Variants in DRC12 observed in about 807,000 individuals in gnomAD.
DRC12 encodes the protein dynein regulatory complex protein 12.
At chr11:119,193,365 T>C in the DRC12 span, 106 of 898,460 alleles carry the variant, frequency 1.2e-4, no homozygotes, top group Non-Finnish European at 1.7e-4. Context: ...ACAAAGGCCT[T>C]CTTGGTTCTT....
At chr11:119,193,545 A>C in the DRC12 span, 3 of 1,412,494 alleles carry the variant, frequency 2.1e-6, no homozygotes, top group Non-Finnish European at 1.9e-6. Flanking sequence ...CATCAAGCAC[A>C]TGGCACCAGG....
the DRC12 span, chr11:119,193,577 G>C: frequency 7.0e-7 from 1 of 1,433,958 alleles, no homozygotes; most frequent in Middle Eastern, 1.8e-4. Flanking sequence ...GCCCCTGCCT[G>C]GGATCCCAGG....
At chr11:119,193,246 G>C in the DRC12 span, 2 of 1,613,732 alleles carry the variant, frequency 1.2e-6, no homozygotes, top group Non-Finnish European at 1.7e-6. Flanking sequence ...ACTCATCTCT[G>C]GGGTGGGGGC....
the DRC12 span, chr11:119,195,193 T>C: frequency 6.4e-6 from 4 of 628,306 alleles, no homozygotes; most frequent in Non-Finnish European, 1.1e-5. Flanking sequence ...AAAATACACA[T>C]GACAAATATA....
the DRC12 span, among the ~76,000 whole-genome samples, chr11:119,192,010 C>T: frequency 6.9e-6 from 1 of 144,498 alleles, no homozygotes; most frequent in Non-Finnish European, 1.5e-5. Flanking sequence ...GAATCTTACT[C>T]TGTTGCCGAG....
the DRC12 span, among the ~76,000 whole-genome samples, chr11:119,192,915 GGATTACAGGCCT>G: frequency 6.6e-6 from 1 of 152,188 alleles, no homozygotes; most frequent in Non-Finnish European, 1.5e-5. Context: ...CAAAGTGCTG[GGATTACAGGCCT>G]GAGCCACCGC....
the DRC12 span, chr11:119,193,964 C>G: frequency 6.9e-7 from 1 of 1,440,058 alleles, no homozygotes; most frequent in South Asian, 1.3e-5. Context: ...TGGACTTTGC[C>G]CACCTCTAGA....
chr11:119,195,419 C>T, the DRC12 span: 1 of 1,551,134 alleles, frequency 6.4e-7, no homozygotes, highest in East Asian at 2.4e-5. Context: ...CCCACCATGA[C>T]TCACCCCAGT....
At chr11:119,190,667 T>A in the DRC12 span, 1 of 1,596,684 alleles carries the variant, frequency 6.3e-7, no homozygotes, top group East Asian at 2.2e-5. The surrounding 1 kb of genome is among the most constrained non-coding windows in gnomAD (Gnocchi z 4.2). Flanking sequence ...CATGGGGGAG[T>A]CCTGGGTACT....
the DRC12 span, among the ~76,000 whole-genome samples, chr11:119,192,622 G>T: frequency 6.6e-6 from 1 of 152,022 alleles, no homozygotes; most frequent in East Asian, 1.9e-4. Flanking sequence ...AGGAAATGGG[G>T]TGTGAGGCCT....
At chr11:119,195,728 C>A in the DRC12 span, 1 of 500,058 alleles carries the variant, frequency 2.0e-6, no homozygotes, top group Non-Finnish European at 3.5e-6. Context: ...TTGCAACTCT[C>A]TTTTAGAGAA....
chr11:119,190,861 A>G, the DRC12 span: 2 of 1,606,736 alleles, frequency 1.2e-6, no homozygotes, highest in South Asian at 2.2e-5. The surrounding 1 kb of genome is among the most constrained non-coding windows in gnomAD (Gnocchi z 4.2). Context: ...GCAGGATGAA[A>G]GAGAGCAGGA....
the DRC12 span, chr11:119,190,621 G>T: frequency 2.6e-6 from 4 of 1,565,562 alleles, no homozygotes; most frequent in Non-Finnish European, 2.6e-6. This position sits in a 1 kb window ranked among gnomAD's most constrained non-coding sequence, Gnocchi z 4.2. Flanking sequence ...CCTTAACCCT[G>T]GGTTGTCAGT....
At chr11:119,193,475 T>C in the DRC12 span, 3 of 1,133,532 alleles carry the variant, frequency 2.6e-6, no homozygotes, top group Non-Finnish European at 3.6e-6. Flanking sequence ...ATGCTAGCCC[T>C]TCTCCCCGCC....
At chr11:119,193,496 T>C in the DRC12 span, 20 of 1,234,204 alleles carry the variant, frequency 1.6e-5, 1 homozygote, top group East Asian at 2.4e-4. Context: ...CATGGGCTGA[T>C]TGAGATGATG....
At chr11:119,194,541 A>AAAAAAAAAG in the DRC12 span, among the ~76,000 whole-genome samples, 37 of 66,030 alleles carry the variant, frequency 5.6e-4, no homozygotes, top group Non-Finnish European at 7.3e-4. Flanking sequence ...AAAAAAAAAA[A>AAAAAAAAAG]AAAATAAATA....
At chr11:119,194,334 G>A in the DRC12 span, among the ~76,000 whole-genome samples, 41,721 of 151,514 alleles carry the variant, frequency 0.28, 6,186 homozygotes, top group South Asian at 0.59. Flanking sequence ...CCAACATGGT[G>A]AAAACCCGTC....
At chr11:119,191,469 G>A in the DRC12 span, among the ~76,000 whole-genome samples, 1 of 151,882 alleles carries the variant, frequency 6.6e-6, no homozygotes, top group African/African-American at 2.4e-5. Flanking sequence ...CATGATAAAT[G>A]GATGACAAAG....
the DRC12 span, chr11:119,193,622 C>T: frequency 6.9e-7 from 1 of 1,446,714 alleles, no homozygotes; most frequent in Admixed American, 2.7e-5. Context: ...AGGATCCTTC[C>T]TGATTTGTAC....
Sources: allele counts gnomAD v4.1 joint callset (sites outside exome capture counted in the v4.1 genomes callset), GRCh38; gene constraint gnomAD v4.1.1; non-coding constraint Gnocchi (gnomAD v3.1); transcripts MANE v1.5; gene names NCBI Gene and HGNC (gene_info 2026-07-23, HGNC 2026-07-21).